KRTAP3-3: variants seen among roughly 807,000 people sequenced by gnomAD.
The protein encoded by KRTAP3-3 is keratin-associated protein 3-3.
A neutral mutation model predicts 5.7 loss-of-function variants in KRTAP3-3; 8 were observed. That is an observed-to-expected ratio of 1.40 (90% CI 0.82 to 2.52). The LOEUF (loss-of-function observed/expected upper bound fraction) is 2.52, where lower values mean the gene tolerates loss of function less well. Ranked by LOEUF, KRTAP3-3 falls within the 30% of genes most tolerant of loss-of-function variation. KRTAP3-3 has a pLI of 0.00. For synonymous variants in KRTAP3-3, 49 were observed against 47.0 expected, an observed-to-expected ratio of 1.04 and a Z score of -0.17; for missense variants, 98 against 121.5, an observed-to-expected ratio of 0.81 and a Z score of 0.91.
Position 40,993,803 on chromosome 17 carries a change from A to G in KRTAP3-3, c.295T>C (p.Ter99GlnextTer9). 6.2e-7 allele frequency: 1 copy of G among 1,613,794 alleles called. No individual in the cohort carries two copies. Among genetic ancestry groups the G allele is most frequent in the Non-Finnish European group, 8.5e-7 (1 of 1,179,666 alleles). ...CCEPCLPRGC* is the reference protein window; with the variant it reads ...CCEPCLPRGCQ ...GCACTGAGCAAAGTAGCCATCCATTAGCAGCCTCTTGGGAGGCAGGGCTCA... is the reference window on the plus strand; with the variant it reads ...GCACTGAGCAAAGTAGCCATCCATTGGCAGCCTCTTGGGAGGCAGGGCTCA... The change falls in exon 1 of 1, where the codon TAA (stop) becomes CAA (glutamine). Residue 99 changes from the stop codon to glutamine (Q), a stop_lost. Coordinates refer to ENST00000391586, the MANE Select transcript of KRTAP3-3 (RefSeq NM_033185.3).
At position 40,994,114 on chromosome 17, in the gene KRTAP3-3, G is replaced by T; in HGVS notation, c.-17C>A. ...GCAATCCATGGCTATTAGAGTCTGT[G>T]GTATTTATGGGTTTGATTGAAAAGA... On this transcript the variant is annotated 5_prime_UTR_variant, in exon 1 of 1. Transcript: ENST00000391586. 5.6e-6 allele frequency: 9 copies of T among 1,612,340 alleles called. No homozygotes were observed. Among genetic ancestry groups the T allele is most frequent in the Non-Finnish European group, 7.6e-6 (9 of 1,178,722 alleles).
Position 40,993,629 on chromosome 17 carries a change from G to T in KRTAP3-3, c.*172C>A. ...AACTGCAGTTGGTTATAGCTGAATG[G>T]TCATTGAAAGTTTCTTGGTCTCTTT... On this transcript the variant is annotated 3_prime_UTR_variant, in exon 1 of 1. Transcript: ENST00000391586. 1 of 1,005,766 alleles carries T rather than the reference G, an allele frequency of 9.9e-7. No individual in the cohort carries two copies. The highest frequency in any genetic ancestry group is 1.4e-6 in the Non-Finnish European group (1 of 705,244). 62.3% of individuals were successfully genotyped at this position (1,005,766 alleles called of 1,614,324 possible).
Position 40,994,007 on chromosome 17 carries a change from A to G in KRTAP3-3, c.91T>C (p.Cys31Arg). 6.2e-7 allele frequency: 1 copy of G among 1,614,194 alleles called. No homozygotes were observed. The highest frequency in any genetic ancestry group is 8.5e-7 in the Non-Finnish European group (1 of 1,180,034). The change falls in exon 1 of 1, where the codon TGC (cysteine) becomes CGC (arginine). Residue 31 changes from cysteine to arginine, a missense_variant. By Grantham distance (180) the Cys-to-Arg change is radical (BLOSUM62 -3). Transcript: ENST00000391586. ...GTGTGTGGGCAGGTGCTGGGCAGGC[A>G]GACTCCACAGCGGCAGGATTTGTCA... ...SSDKSCRCGV[C>R]LPSTCPHTVW...
Position 40,993,722 on chromosome 17 carries a change from G to A in KRTAP3-3, c.*79C>T, listed in dbSNP as rs1912756871. On this transcript the variant is annotated 3_prime_UTR_variant, in exon 1 of 1. Coordinates refer to ENST00000391586, the MANE Select transcript of KRTAP3-3 (RefSeq NM_033185.3). ...ATTTCTAAAGCAGAGTACATTAGTT[G>A]TAGGTACTGAGATAGGTGAATGCTA... 1.3e-6 allele frequency: 2 copies of A among 1,549,894 alleles called. No homozygotes were observed. Among genetic ancestry groups the A allele is most frequent in the Admixed American group, 3.6e-5 (2 of 54,972 alleles).
chr17:40,993,619 T>G lies in KRTAP3-3; in HGVS notation c.*182A>C, dbSNP rs1002227078. The G allele has an allele frequency of 2.2e-6, 2 of 911,794 alleles. No individual in the cohort carries two copies. The highest frequency in any genetic ancestry group is 3.2e-6 in the Non-Finnish European group (2 of 622,542). 56.5% of individuals were successfully genotyped at this position (911,794 alleles called of 1,614,324 possible). On this transcript the variant is annotated 3_prime_UTR_variant, in exon 1 of 1. Transcript: ENST00000391586. ...CACTGATTCAAACTGCAGTTGGTTA[T>G]AGCTGAATGGTCATTGAAAGTTTCT... is the stretch of plus-strand genomic sequence containing the variant.
Position 40,993,870 on chromosome 17 carries a change from G to A in KRTAP3-3, c.228C>T (p.Gly76=), listed in dbSNP as rs9897208. 5.4e-3 allele frequency: 8,796 copies of A among 1,613,974 alleles called. 189 individuals are homozygous for A. The African/African-American group carries it at 0.1, about 19-fold the overall frequency. Residue 76 remains glycine, a synonymous_variant, in exon 1 of 1, where the codon GGC becomes GGT. Transcript: ENST00000391586. ...FLLNSCQPTP[G]LETLNLTTFT... is the part of the protein sequence containing the mutation. ...AGGTGGTGAGGTTGAGGGTCTCCAG[G>A]CCTGGAGTTGGCTGGCAGGAGTTGA...
chr17:40,993,574 T>A lies in KRTAP3-3; in HGVS notation c.*227A>T. 1 of 597,432 alleles carries A rather than the reference T, an allele frequency of 1.7e-6. No homozygotes were observed. The highest frequency in any genetic ancestry group is 3.3e-5 in the Admixed American group (1 of 30,244). 37.0% of individuals were successfully genotyped at this position (597,432 alleles called of 1,614,324 possible). ...CTTTAATATGAAGGAATCGAACAGC[T>A]TCAGGAAGCTATAGGCATCCACTGA... On this transcript the variant is annotated 3_prime_UTR_variant, in exon 1 of 1. Coordinates refer to ENST00000391586, the MANE Select transcript of KRTAP3-3 (RefSeq NM_033185.3).
In KRTAP3-3 at chr17:40,993,651, C is replaced by T. The variant is rs986884700; in HGVS notation, c.*150G>A. 6 of 1,221,452 alleles carry T rather than the reference C, an allele frequency of 4.9e-6. No homozygotes were observed. The highest frequency in any genetic ancestry group is 6.7e-6 in the Non-Finnish European group (6 of 900,782). The allele number at this position is 1,221,452 out of a possible 1,614,324, so 75.7% of individuals were successfully genotyped here. A position where few individuals can be genotyped will look rare whatever the true frequency, so the allele number is the denominator to read the frequency against. ...ATGGTCATTGAAAGTTTCTTGGTCT[C>T]TTTTTTTTTGCAGGGGGTGATTGTG... is the stretch of plus-strand genomic sequence containing the variant. On this transcript the variant is annotated 3_prime_UTR_variant, in exon 1 of 1. Transcript: ENST00000391586.
rs2143710240 is a variant in KRTAP3-3 at position 40,993,562 on chromosome 17, G to C, written c.*239C>G. 2 of 550,382 alleles carry C rather than the reference G, an allele frequency of 3.6e-6. No homozygotes were observed. The highest frequency in any genetic ancestry group is 6.2e-6 in the Non-Finnish European group (2 of 323,538). The allele number at this position is 550,382 out of a possible 1,614,324, so 34.1% of individuals were successfully genotyped here. A position where few individuals can be genotyped will look rare whatever the true frequency, so the allele number is the denominator to read the frequency against. ...CAGAAAGAGACACTTTAATATGAAG[G>C]AATCGAACAGCTTCAGGAAGCTATA... On this transcript the variant is annotated 3_prime_UTR_variant, in exon 1 of 1. Coordinates refer to ENST00000391586, the MANE Select transcript of KRTAP3-3 (RefSeq NM_033185.3).
In KRTAP3-3 at chr17:40,993,703, A is replaced by C. The variant is rs1244889845; in HGVS notation, c.*98T>G. On this transcript the variant is annotated 3_prime_UTR_variant, in exon 1 of 1. Transcript: ENST00000391586. ...TAGTACCATCCTTGTTCCAATTTCT[A>C]AAGCAGAGTACATTAGTTGTAGGTA... 3.3e-6 allele frequency: 5 copies of C among 1,504,038 alleles called. No homozygotes were observed. Among genetic ancestry groups the C allele is most frequent in the Non-Finnish European group, 4.5e-6 (5 of 1,118,958 alleles). The allele number at this position is 1,504,038 out of a possible 1,614,324, so 93.2% of individuals were successfully genotyped here.
At position 40,994,015 on chromosome 17, in the gene KRTAP3-3, C is replaced by T. The variant is rs369870393; in HGVS notation, c.83G>A (p.Cys28Tyr). 2.7e-5 allele frequency: 43 copies of T among 1,614,062 alleles called. No individual in the cohort carries two copies. The highest frequency in any genetic ancestry group is 3.4e-5 in the Non-Finnish European group (40 of 1,180,018). The change falls in exon 1 of 1, where the codon TGT becomes TAT. Residue 28 changes from cysteine (C) to tyrosine (Y), a missense_variant. Physicochemically the swap from Cys to Tyr is radical, Grantham distance 194. Coordinates refer to ENST00000391586, the MANE Select transcript of KRTAP3-3 (RefSeq NM_033185.3). ...TICSSDKSCR[C>Y]GVCLPSTCPH... Reference sequence around the variant, plus strand: ...GCAGGTGCTGGGCAGGCAGACTCCACAGCGGCAGGATTTGTCAGAGGAGCA... The same window carrying T: ...GCAGGTGCTGGGCAGGCAGACTCCATAGCGGCAGGATTTGTCAGAGGAGCA...
rs138752938 is a variant in KRTAP3-3 at position 40,994,109 on chromosome 17, T to G, written c.-12A>C. ...GCACAGCAATCCATGGCTATTAGAGTCTGTGGTATTTATGGGTTTGATTGA... is the reference window on the plus strand; with the variant it reads ...GCACAGCAATCCATGGCTATTAGAGGCTGTGGTATTTATGGGTTTGATTGA... On this transcript the variant is annotated 5_prime_UTR_variant, in exon 1 of 1. Coordinates refer to ENST00000391586, the MANE Select transcript of KRTAP3-3 (RefSeq NM_033185.3). 6.2e-7 allele frequency: 1 copy of G among 1,613,252 alleles called. No individual in the cohort carries two copies. Among genetic ancestry groups the G allele is most frequent in the African/African-American group, 1.3e-5 (1 of 74,788 alleles).
At position 40,993,994 on chromosome 17, in the gene KRTAP3-3, G is replaced by T. The variant is rs1427855253; in HGVS notation, c.104C>A (p.Thr35Asn). 6.2e-7 allele frequency: 1 copy of T among 1,614,230 alleles called. No individual in the cohort carries two copies. Among genetic ancestry groups the T allele is most frequent in the Non-Finnish European group, 8.5e-7 (1 of 1,180,040 alleles). The change falls in exon 1 of 1, where the codon ACC becomes AAC. Residue 35 changes from threonine to asparagine, a missense_variant. By Grantham distance (65) the Thr-to-Asn change is moderately conservative. Coordinates refer to ENST00000391586, the MANE Select transcript of KRTAP3-3 (RefSeq NM_033185.3). ...SCRCGVCLPS[T>N]CPHTVWLLEP... ...CAGTAACCAAACTGTGTGTGGGCAG[G>T]TGCTGGGCAGGCAGACTCCACAGCG... is the stretch of plus-strand genomic sequence containing the variant.
Position 40,993,709 on chromosome 17 carries a change from G to T in KRTAP3-3, c.*92C>A, listed in dbSNP as rs929653202. ...CATCCTTGTTCCAATTTCTAAAGCA[G>T]AGTACATTAGTTGTAGGTACTGAGA... is the stretch of plus-strand genomic sequence containing the variant. On this transcript the variant is annotated 3_prime_UTR_variant, in exon 1 of 1. Coordinates refer to ENST00000391586, the MANE Select transcript of KRTAP3-3 (RefSeq NM_033185.3). The T allele has an allele frequency of 7.3e-6, 11 of 1,515,602 alleles. No homozygotes were observed. Among genetic ancestry groups the T allele is most frequent in the Non-Finnish European group, 9.8e-6 (11 of 1,122,350 alleles). The allele number at this position is 1,515,602 out of a possible 1,614,324, so 93.9% of individuals were successfully genotyped here. A position where few individuals can be genotyped will look rare whatever the true frequency, so the allele number is the denominator to read the frequency against.
In KRTAP3-3 at chr17:40,993,850, G is replaced by T; in HGVS notation, c.248C>A (p.Thr83Asn). ...CTCACAGCAGGGCTGAGTGAAGGTG[G>T]TGAGGTTGAGGGTCTCCAGGCCTGG... ...PTPGLETLNLTTFTQPCCEPC... is the reference protein window; with the variant it reads ...PTPGLETLNLNTFTQPCCEPC... Residue 83 changes from threonine (T) to asparagine (N), a missense_variant, in exon 1 of 1, where the codon ACC becomes AAC. Physicochemically the swap from Thr to Asn is moderately conservative, Grantham distance 65. Transcript: ENST00000391586. 1 of 1,614,246 alleles carries T rather than the reference G, an allele frequency of 6.2e-7. No homozygotes were observed. The highest frequency in any genetic ancestry group is 8.5e-7 in the Non-Finnish European group (1 of 1,180,048).
chr17:40,993,800 A>G lies in KRTAP3-3; in HGVS notation c.*1T>C. The G allele has an allele frequency of 4.3e-6, 7 of 1,613,692 alleles. No individual in the cohort carries two copies. Among genetic ancestry groups the G allele is most frequent in the Non-Finnish European group, 5.9e-6 (7 of 1,179,602 alleles). On this transcript the variant is annotated 3_prime_UTR_variant, in exon 1 of 1. Coordinates refer to ENST00000391586, the MANE Select transcript of KRTAP3-3 (RefSeq NM_033185.3). ...CAGGCACTGAGCAAAGTAGCCATCC[A>G]TTAGCAGCCTCTTGGGAGGCAGGGC...
Position 40,993,622 on chromosome 17 carries a change from C to T in KRTAP3-3, c.*179G>A. The T allele has an allele frequency of 1.1e-6, 1 of 950,220 alleles. No homozygotes were observed. The allele number at this position is 950,220 out of a possible 1,614,324, so 58.9% of individuals were successfully genotyped here. A position where few individuals can be genotyped will look rare whatever the true frequency, so the allele number is the denominator to read the frequency against. ...TGATTCAAACTGCAGTTGGTTATAG[C>T]TGAATGGTCATTGAAAGTTTCTTGG... On this transcript the variant is annotated 3_prime_UTR_variant, in exon 1 of 1. Coordinates refer to ENST00000391586, the MANE Select transcript of KRTAP3-3 (RefSeq NM_033185.3).
In KRTAP3-3 at chr17:40,993,877, G is replaced by A; in HGVS notation, c.221C>T (p.Thr74Ile). Reference sequence around the variant, plus strand: ...GAGGTTGAGGGTCTCCAGGCCTGGAGTTGGCTGGCAGGAGTTGAGCAGGAA... The same window carrying A: ...GAGGTTGAGGGTCTCCAGGCCTGGAATTGGCTGGCAGGAGTTGAGCAGGAA... ...TCFLLNSCQP[T>I]PGLETLNLTT... Residue 74 changes from threonine to isoleucine, a missense_variant, in exon 1 of 1, where the codon ACT becomes ATT. By Grantham distance (89) the Thr-to-Ile change is moderately conservative (BLOSUM62 -1). Transcript: ENST00000391586. 6.2e-7 allele frequency: 1 copy of A among 1,614,162 alleles called. No individual in the cohort carries two copies. Among genetic ancestry groups the A allele is most frequent in the Non-Finnish European group, 8.5e-7 (1 of 1,179,956 alleles).
rs1388040698 is a variant in KRTAP3-3, at chr17:40,993,531, C to A, written c.*270G>T. ...AAGACTGAAAACAGAATTCCCAAACCACCCACAGAAAGAGACACTTTAATA... is the reference window on the plus strand; with the variant it reads ...AAGACTGAAAACAGAATTCCCAAACAACCCACAGAAAGAGACACTTTAATA... On this transcript the variant is annotated 3_prime_UTR_variant, in exon 1 of 1. Coordinates refer to ENST00000391586, the MANE Select transcript of KRTAP3-3 (RefSeq NM_033185.3). 1.1e-5 allele frequency: 5 copies of A among 464,234 alleles called. No individual in the cohort carries two copies. Among genetic ancestry groups the A allele is most frequent in the Non-Finnish European group, 1.9e-5 (5 of 267,610 alleles). The allele number at this position is 464,234 out of a possible 1,614,324, so 28.8% of individuals were successfully genotyped here. A position where few individuals can be genotyped will look rare whatever the true frequency, so the allele number is the denominator to read the frequency against.
Sources: gnomAD v4.1 joint callset for allele counts on GRCh38, gnomAD v4.1.1 for gene constraint, MANE v1.5 for transcripts, NCBI Gene and HGNC (gene_info 2026-07-23, HGNC 2026-07-21) for gene names.